EXPH5: variants seen among roughly 807,000 people sequenced by gnomAD.
EXPH5 encodes the protein exophilin 5, also known as exophilin-5.
A neutral mutation model predicts 41.1 loss-of-function variants in EXPH5; 42 were observed. That is an observed-to-expected ratio of 1.02 (90% confidence interval 0.80 to 1.32). EXPH5 has a LOEUF of 1.32. EXPH5 is among the 40% of genes most tolerant of loss of function. EXPH5 has a pLI of 0.00. For missense variants in EXPH5, 2,298 were observed against 2,314.5 expected (o/e 0.99, Z 0.15); for synonymous variants, 798 against 833.5 (o/e 0.96, Z 0.73).
chr11:108,532,173 C>A (rs1307728440), intron 3 of EXPH5, among the ~76,000 whole-genome samples: 1 of 147,570 alleles, frequency 6.8e-6, no homozygotes, highest in Non-Finnish European at 1.5e-5. Flanking sequence ...TCCCTTCTGC[C>A]ATAGAGAATT....
At chr11:108,596,022 A>G (rs955009351), upstream of EXPH5, among the ~76,000 whole-genome samples, 4 of 152,068 alleles carry the variant, frequency 2.6e-5, no homozygotes, top group Admixed American at 6.5e-5. Context: ...TAACACAGTG[A>G]AACCCCGCCT....
chr11:108,553,009 A>C (rs574380237), intron 1 of EXPH5, among the ~76,000 whole-genome samples: 56 of 152,312 alleles, frequency 3.7e-4, no homozygotes, highest in African/African-American at 3.4e-4. Flanking sequence ...CAGCCTGGCC[A>C]ACATGGTGAA....
At chr11:108,576,878 C>T (rs1009134956) in intron 1 of EXPH5, among the ~76,000 whole-genome samples, 1 of 152,142 alleles carries the variant, frequency 6.6e-6, no homozygotes, top group African/African-American at 2.4e-5. Flanking sequence ...CCTTTTCATC[C>T]TCCCTTCCCC....
chr11:108,577,752 T>C (rs2094084756), intron 1 of EXPH5, among the ~76,000 whole-genome samples: 1 of 152,136 alleles, frequency 6.6e-6, no homozygotes, highest in African/African-American at 2.4e-5. Flanking sequence ...TGGGGTGAAA[T>C]GATATTTCAT....
chr11:108,568,756 T>C (rs1244270825), intron 1 of EXPH5, among the ~76,000 whole-genome samples: 1 of 152,146 alleles, frequency 6.6e-6, no homozygotes, highest in Non-Finnish European at 1.5e-5. Flanking sequence ...ATATGAGCTC[T>C]CCTTTCTCCT....
intron 1 of EXPH5, among the ~76,000 whole-genome samples, chr11:108,549,738 T>C (rs1229358406): frequency 6.6e-6 from 1 of 152,206 alleles, no homozygotes; most frequent in Non-Finnish European, 1.5e-5. Context: ...TGTCAGGTTC[T>C]AGCTGGGTGA....
intron 1 of EXPH5, among the ~76,000 whole-genome samples, chr11:108,560,863 A>G (rs2094008376): frequency 6.6e-6 from 1 of 152,198 alleles, no homozygotes; most frequent in African/African-American, 2.4e-5. Context: ...CTTATTATTC[A>G]CTATCATTTT....
the EXPH5 span, among the ~76,000 whole-genome samples, chr11:108,598,868 G>A: frequency 4.6e-5 from 7 of 152,278 alleles, no homozygotes; most frequent in South Asian, 8.3e-4. Flanking sequence ...TCCTAAGGAC[G>A]TGGGCTTGGA....
intron 1 of EXPH5, among the ~76,000 whole-genome samples, chr11:108,591,090 G>C (rs1057481246): frequency 2.0e-5 from 3 of 152,166 alleles, no homozygotes; most frequent in Non-Finnish European, 4.4e-5. Flanking sequence ...TATTGTTCTA[G>C]TCAAGAGGTC....
chr11:108,591,838 A>G (rs754703888), intron 1 of EXPH5, among the ~76,000 whole-genome samples: 4 of 152,194 alleles, frequency 2.6e-5, no homozygotes, highest in East Asian at 1.9e-4. Context: ...GGTCAAAAAT[A>G]AAAAGTCAAG....
At chr11:108,522,172 G>GC (rs996792022) in intron 4 of EXPH5, among the ~76,000 whole-genome samples, 2 of 151,110 alleles carry the variant, frequency 1.3e-5, no homozygotes, top group Non-Finnish European at 2.9e-5. Flanking sequence ...CTGTAACTCT[G>GC]CAAGGGTGAG....
intron 5 of EXPH5, among the ~76,000 whole-genome samples, chr11:108,516,639 C>A (rs1174020083): frequency 6.6e-6 from 1 of 152,154 alleles, no homozygotes; most frequent in Non-Finnish European, 1.5e-5. Context: ...TAAGTTAGGG[C>A]AGATGCTAAA....
intron 1 of EXPH5, among the ~76,000 whole-genome samples, chr11:108,553,298 T>A (rs1343244400): frequency 6.6e-6 from 1 of 152,212 alleles, no homozygotes; most frequent in Non-Finnish European, 1.5e-5. Flanking sequence ...GTTATCTAAG[T>A]AACAATAAGG....
intron 1 of EXPH5, among the ~76,000 whole-genome samples, chr11:108,572,158 G>A (rs1414125962): frequency 1.3e-5 from 2 of 152,188 alleles, no homozygotes; most frequent in Non-Finnish European, 1.5e-5. Context: ...ACCAGCTTGT[G>A]GGCACGACAG....
At chr11:108,566,211 C>A (rs1277157479) in intron 1 of EXPH5, among the ~76,000 whole-genome samples, 1 of 152,130 alleles carries the variant, frequency 6.6e-6, no homozygotes, top group Non-Finnish European at 1.5e-5. Context: ...TGAAGACAGG[C>A]CTTAAAAGAC....
At chr11:108,522,776 G>A (rs568778702) in intron 4 of EXPH5, among the ~76,000 whole-genome samples, 230 of 152,218 alleles carry the variant, frequency 1.5e-3, no homozygotes, top group Non-Finnish European at 2.6e-3. Flanking sequence ...ATAATGCTCC[G>A]TGCTTTGGAG....
At chr11:108,520,549 T>C (rs1248422574) in intron 4 of EXPH5, among the ~76,000 whole-genome samples, 1 of 141,412 alleles carries the variant, frequency 7.1e-6, no homozygotes, top group East Asian at 2.0e-4. Context: ...TTTCCTTTAT[T>C]ATTGTTTTAT....
chr11:108,528,771 C>T (rs533575307), intron 3 of EXPH5, among the ~76,000 whole-genome samples: 42 of 136,858 alleles, frequency 3.1e-4, no homozygotes, highest in Admixed American at 3.2e-4. Flanking sequence ...GGCATAATCT[C>T]GGCTCACTGC....
At chr11:108,529,373 C>A (rs1221398464) in intron 3 of EXPH5, among the ~76,000 whole-genome samples, 3 of 152,138 alleles carry the variant, frequency 2.0e-5, no homozygotes, top group Non-Finnish European at 4.4e-5. Context: ...CACTCTGACA[C>A]CCAGGCTGGA....
Sources: allele counts gnomAD v4.1 joint callset (sites outside exome capture counted in the v4.1 genomes callset), GRCh38; gene constraint gnomAD v4.1.1; transcripts MANE v1.5; gene names NCBI Gene and HGNC (gene_info 2026-07-23, HGNC 2026-07-21).